CORIN: variants seen among roughly 807,000 people sequenced by gnomAD.
CORIN encodes the protein corin, serine peptidase.
CORIN carries 117 observed loss-of-function variants against 125.3 expected under a neutral mutation model. The ratio of observed to expected loss-of-function variants is 0.93; its 90% CI spans 0.80 to 1.09. The LOEUF (loss-of-function observed/expected upper bound fraction) is 1.09. CORIN is among the 50% of genes least tolerant of loss of function. The pLI, the probability that CORIN is intolerant of heterozygous loss-of-function variation, is 0.00. For synonymous variants in CORIN, 450 were observed against 466.4 expected, an observed-to-expected ratio of 0.96 and a Z score of 0.45; for missense variants, 1,253 against 1,306.7, an observed-to-expected ratio of 0.96 and a Z score of 0.63.
chr4:47,663,648 A>C (rs1209725308), intron 11 of CORIN, among the ~76,000 whole-genome samples: 1 of 152,200 alleles, frequency 6.6e-6, no homozygotes, highest in Non-Finnish European at 1.5e-5. Context: ...TTTATAGCAG[A>C]AAATGCTGCT....
rs184284405 is a variant in CORIN, at chr4:47,627,427, A to G, written c.2199-906T>C. ...AGAATAAGAGCCAAAGATTAAAAACACAAGAGTATTTCATAATGAATGAAT... is the reference window on the plus strand; with the variant it reads ...AGAATAAGAGCCAAAGATTAAAAACGCAAGAGTATTTCATAATGAATGAAT... On this transcript the variant is annotated intron_variant, in intron 16 of 21. Coordinates refer to ENST00000273857, the MANE Select transcript of CORIN (RefSeq NM_006587.4). 3.0e-4 allele frequency among the ~76,000 whole-genome samples: 45 copies of G among 152,352 alleles called. No individual in the cohort carries two copies. The East Asian group carries it at 8.5e-3, about 29-fold the overall frequency.
In CORIN at chr4:47,677,942, G is replaced by T; in HGVS notation, c.1245C>A (p.Ser415Arg). 6.2e-7 allele frequency: 1 copy of T among 1,606,658 alleles called. No homozygotes were observed. Among genetic ancestry groups the T allele is most frequent in the Non-Finnish European group, 8.5e-7 (1 of 1,173,334 alleles). Residue 415 changes from serine (S) to arginine (R), a missense_variant, in exon 9 of 22, where the codon AGC (serine) becomes AGA (arginine). Transcript: ENST00000273857. ...GGGGTGGTGGGACACACTTACTGAC[G>T]CTGCAGTTCTCCTCATCACTCCCAT... ...CKDGSDEENC[S>R]VIQTSCQEGD...
At chr4:47,746,138 CTG>C (rs1323423048) in intron 4 of CORIN, among the ~76,000 whole-genome samples, 2 of 152,198 alleles carry the variant, frequency 1.3e-5, no homozygotes, top group African/African-American at 4.8e-5. Context: ...TTAAATAACA[CTG>C]TTTTTCATTA....
chr4:47,838,038 G>T lies in CORIN; in HGVS notation c.-89C>A. On this transcript the variant is annotated 5_prime_UTR_variant, in exon 1 of 22. Transcript: ENST00000273857. ...TGTCCCCCGGGGAGGCACTACGGAT[G>T]ATTTTCTCCAAGCTCAAGAGAGACA... The T allele has an allele frequency of 1.3e-6, 2 of 1,579,516 alleles. No individual in the cohort carries two copies. Among genetic ancestry groups the T allele is most frequent in the South Asian group, 1.1e-5 (1 of 88,988 alleles).
intron 2 of CORIN, among the ~76,000 whole-genome samples, chr4:47,794,053 A>G (rs1391923351): frequency 6.6e-6 from 1 of 152,184 alleles, no homozygotes; most frequent in Non-Finnish European, 1.5e-5. Context: ...CCGCTGGTGA[A>G]TCTGCAACAG....
chr4:47,617,811 A>G (rs1273928782), intron 19 of CORIN, among the ~76,000 whole-genome samples: 1 of 152,162 alleles, frequency 6.6e-6, no homozygotes. Context: ...AAGTCAAACC[A>G]AACTTCTCAC....
intron 3 of CORIN, among the ~76,000 whole-genome samples, chr4:47,767,587 T>C (rs572018642): frequency 6.6e-6 from 1 of 152,198 alleles, no homozygotes; most frequent in African/African-American, 2.4e-5. Flanking sequence ...TGAGAAAATT[T>C]AAAGAATGAT....
intron 5 of CORIN, among the ~76,000 whole-genome samples, chr4:47,714,451 C>A (rs1378196231): frequency 6.6e-6 from 1 of 152,146 alleles, no homozygotes; most frequent in Non-Finnish European, 1.5e-5. Flanking sequence ...AATGAGGAAA[C>A]CAATGCTGGA....
At chr4:47,787,817 G>A (rs752656679) in intron 2 of CORIN, among the ~76,000 whole-genome samples, 1 of 152,224 alleles carries the variant, frequency 6.6e-6, no homozygotes, top group Non-Finnish European at 1.5e-5. Flanking sequence ...AGTCCCCAAA[G>A]TTCATTGTGT....
chr4:47,795,858 T>C (rs541687288), intron 2 of CORIN, among the ~76,000 whole-genome samples: 5 of 152,152 alleles, frequency 3.3e-5, no homozygotes, highest in South Asian at 4.1e-4. Flanking sequence ...AGTAAGTATA[T>C]GAGATGGTGC....
At chr4:47,793,536 AG>A (rs2109929729) in intron 2 of CORIN, among the ~76,000 whole-genome samples, 1 of 152,346 alleles carries the variant, frequency 6.6e-6, no homozygotes, top group African/African-American at 2.4e-5. Flanking sequence ...AGATGAAAGT[AG>A]TACTCAACAC....
chr4:47,786,082 G>A (rs771747314), intron 3 of CORIN, among the ~76,000 whole-genome samples: 17 of 152,178 alleles, frequency 1.1e-4, no homozygotes, highest in Middle Eastern at 3.4e-3. Flanking sequence ...AAGCTGAAGC[G>A]CAAACTTTCA....
At chr4:47,827,384 T>C (rs904560002) in intron 1 of CORIN, among the ~76,000 whole-genome samples, 24 of 152,236 alleles carry the variant, frequency 1.6e-4, no homozygotes, top group African/African-American at 5.3e-4. Context: ...CATTCTTTCA[T>C]TAAGTCCTCA....
At chr4:47,612,528 A>G (rs1405093155) in intron 19 of CORIN, among the ~76,000 whole-genome samples, 1 of 152,198 alleles carries the variant, frequency 6.6e-6, no homozygotes, top group East Asian at 1.9e-4. Flanking sequence ...TTTATTCCAA[A>G]TGATCCTCAC....
In CORIN at chr4:47,673,450, C is replaced by T. The variant is rs139489105; in HGVS notation, c.1357+943G>A. 4.5e-3 allele frequency among the ~76,000 whole-genome samples: 681 copies of T among 150,554 alleles called. 5 individuals are homozygous for T. The highest frequency in any genetic ancestry group is 7.7e-3 in the Non-Finnish European group (522 of 67,748). On this transcript the variant is annotated intron_variant, in intron 10 of 21. Coordinates refer to ENST00000273857, the MANE Select transcript of CORIN (RefSeq NM_006587.4). Reference sequence around the variant, plus strand: ...CCTGCTTTTAAATTTCTAATCCCAACCTGAAAATGCAGCAAAAAGTTCATT... The same window carrying T: ...CCTGCTTTTAAATTTCTAATCCCAATCTGAAAATGCAGCAAAAAGTTCATT...
chr4:47,673,182 AT>A (rs1724845618), intron 10 of CORIN, among the ~76,000 whole-genome samples: 1 of 12,710 alleles, frequency 7.9e-5, no homozygotes, highest in African/African-American at 7.8e-4. Context: ...TTACCAAAAA[AT>A]AAATAAATAA....
chr4:47,689,220 T>G (rs1577830151), intron 6 of CORIN, among the ~76,000 whole-genome samples: 1 of 152,344 alleles, frequency 6.6e-6, no homozygotes, highest in East Asian at 1.9e-4. Context: ...CAAATCCTAG[T>G]GCTTTTTGAG....
At chr4:47,798,622 A>T (rs533470598) in intron 2 of CORIN, among the ~76,000 whole-genome samples, 7 of 152,356 alleles carry the variant, frequency 4.6e-5, no homozygotes, top group African/African-American at 1.7e-4. Flanking sequence ...GACAGATATT[A>T]CTTCAATATG....
At chr4:47,730,878 C>T (rs570043021) in intron 5 of CORIN, among the ~76,000 whole-genome samples, 1 of 152,278 alleles carries the variant, frequency 6.6e-6, no homozygotes, top group African/African-American at 2.4e-5. Context: ...CTGCTGTGTG[C>T]ATAGGGAGGT....
Sources: allele counts gnomAD v4.1 joint callset (sites outside exome capture counted in the v4.1 genomes callset), GRCh38; gene constraint gnomAD v4.1.1; transcripts MANE v1.5; gene names NCBI Gene and HGNC (gene_info 2026-07-23, HGNC 2026-07-21).